The following NODAL variants were observed in gnomAD, a reference collection of about 807,000 sequenced individuals.
NODAL encodes the protein nodal growth differentiation factor.
A neutral mutation model predicts 34.0 loss-of-function variants in NODAL; 12 were observed. The ratio of observed to expected loss-of-function variants is 0.35; its 90% CI spans 0.23 to 0.57. NODAL has a LOEUF of 0.57. Among genes scored for constraint, NODAL ranks in the 20% least tolerant of loss-of-function variants. NODAL has a pLI of 0.83. For synonymous variants in NODAL, 162 were observed against 186.4 expected, an observed-to-expected ratio of 0.87 and a Z score of 1.07; for missense variants, 390 against 444.2, an observed-to-expected ratio of 0.88 and a Z score of 1.10.
chr10:70,446,146 C>T (rs1589155827), upstream of NODAL, among the ~76,000 whole-genome samples: 1 of 152,186 alleles, frequency 6.6e-6, no homozygotes, highest in East Asian at 1.9e-4. Flanking sequence ...TGAGGAATGA[C>T]ACCTTCTCGT....
intron 1 of NODAL, among the ~76,000 whole-genome samples, chr10:70,440,090 C>A (rs1281109251): frequency 2.6e-5 from 4 of 151,908 alleles, no homozygotes; most frequent in South Asian, 2.1e-4. Context: ...AACAAACAAA[C>A]AAAAAAACAG....
upstream of NODAL, among the ~76,000 whole-genome samples, chr10:70,443,085 T>C (rs1333742554): frequency 1.3e-5 from 2 of 149,464 alleles, no homozygotes; most frequent in Non-Finnish European, 3.0e-5. Context: ...AGTCCCTGTC[T>C]CAAAAAACAA....
At chr10:70,444,592 C>A (rs1162324154), upstream of NODAL, among the ~76,000 whole-genome samples, 2 of 152,110 alleles carry the variant, frequency 1.3e-5, no homozygotes, top group African/African-American at 2.4e-5. Context: ...GCCTTGGCCT[C>A]CATAAGTGCT....
At chr10:70,434,270 T>A (rs1845313000) in intron 2 of NODAL, among the ~76,000 whole-genome samples, 1 of 152,172 alleles carries the variant, frequency 6.6e-6, no homozygotes, top group Admixed American at 6.5e-5. Flanking sequence ...TCCATCTTCT[T>A]CTCTTTCCTA....
At chr10:70,442,158 A>G (rs573273281), upstream of NODAL, among the ~76,000 whole-genome samples, 1 of 152,232 alleles carries the variant, frequency 6.6e-6, no homozygotes, top group Non-Finnish European at 1.5e-5. Flanking sequence ...TGGCCGGCGC[A>G]GCCTCCCTGG....
chr10:70,442,317 C>A (rs1211630402), upstream of NODAL, among the ~76,000 whole-genome samples: 1 of 152,252 alleles, frequency 6.6e-6, no homozygotes, highest in Non-Finnish European at 1.5e-5. Context: ...CAGATGGAGC[C>A]AACGGGGTGA....
intron 1 of NODAL, 123 bp downstream of exon 1, chr10:70,441,352 G>A (rs1338025044): frequency 2.8e-6 from 3 of 1,076,658 alleles, no homozygotes; most frequent in Non-Finnish European, 4.0e-6. Flanking sequence ...GGACGCCCGG[G>A]CGGCTGCAAA....
upstream of NODAL, among the ~76,000 whole-genome samples, chr10:70,445,797 G>T (rs1845482914): frequency 6.6e-6 from 1 of 152,154 alleles, no homozygotes; most frequent in African/African-American, 2.4e-5. Flanking sequence ...CCCCATAGAA[G>T]AGGAGTGAAA....
At chr10:70,445,375 A>C (rs1845477724), upstream of NODAL, among the ~76,000 whole-genome samples, 1 of 152,218 alleles carries the variant, frequency 6.6e-6, no homozygotes, top group African/African-American at 2.4e-5. Flanking sequence ...CTCCTGCCTC[A>C]GTATCCTGAA....
chr10:70,435,549 A>G lies in NODAL; in HGVS notation c.628T>C (p.Ser210Pro). 1.2e-6 allele frequency: 2 copies of G among 1,614,002 alleles called. No homozygotes were observed. Among genetic ancestry groups the G allele is most frequent in the Non-Finnish European group, 1.7e-6 (2 of 1,180,002 alleles). ...CTCTCGGCTTCCCACAGCAAGGTGGACCCACCCAGCTGCCTCTGCTCCTGC... is the reference window on the plus strand; with the variant it reads ...CTCTCGGCTTCCCACAGCAAGGTGGGCCCACCCAGCTGCCTCTGCTCCTGC... ...LSQEQRQLGG[S>P]TLLWEAESSW... The change falls in exon 2 of 3, where the codon TCC becomes CCC. Residue 210 changes from serine (S) to proline (P), a missense_variant. Ser to Pro is a moderately conservative substitution (Grantham distance 74). Transcript: ENST00000287139.
At chr10:70,437,555 A>G (rs1845372377) in intron 1 of NODAL, among the ~76,000 whole-genome samples, 1 of 152,234 alleles carries the variant, frequency 6.6e-6, no homozygotes, top group South Asian at 2.1e-4. Context: ...ACCCAGAGAA[A>G]TAAAGAGGTT....
rs149499171 is a variant in NODAL at position 70,432,159 on chromosome 10, A to G, written c.*777T>C. ...CTCAGAGGCCTCATTAATAGCACAC[A>G]TTGAGAGACTGAGGTGGATTGTCAC... On this transcript the variant is annotated 3_prime_UTR_variant, in exon 3 of 3. Transcript: ENST00000287139. Among the ~76,000 whole-genome samples, 4 of 152,336 alleles carry G rather than the reference A, an allele frequency of 2.6e-5. No homozygotes were observed. Among genetic ancestry groups the G allele is most frequent in the Non-Finnish European group, 4.4e-5 (3 of 68,024 alleles).
upstream of NODAL, chr10:70,441,727 C>T: frequency 1.3e-6 from 2 of 1,499,178 alleles, no homozygotes; most frequent in Non-Finnish European, 1.8e-6. Flanking sequence ...GCCTCAGCAG[C>T]CGCCCCGCCC....
chr10:70,434,184 C>T (rs1845310580), intron 2 of NODAL, among the ~76,000 whole-genome samples: 1 of 152,114 alleles, frequency 6.6e-6, no homozygotes, highest in African/African-American at 2.4e-5. Context: ...CATTTTGGTC[C>T]CATATGACCT....
At chr10:70,445,077 A>G (rs1055504121), upstream of NODAL, among the ~76,000 whole-genome samples, 3 of 152,172 alleles carry the variant, frequency 2.0e-5, no homozygotes, top group African/African-American at 7.2e-5. Context: ...AGACGCAGTG[A>G]AGCCAATTCC....
chr10:70,438,106 A>G (rs917530291), intron 1 of NODAL, among the ~76,000 whole-genome samples: 3 of 152,012 alleles, frequency 2.0e-5, no homozygotes, highest in Non-Finnish European at 4.4e-5. Context: ...CCTGATCAAC[A>G]TGGTGAAACC....
chr10:70,445,380 C>T (rs1442643713), upstream of NODAL, among the ~76,000 whole-genome samples: 1 of 152,170 alleles, frequency 6.6e-6, no homozygotes, highest in African/African-American at 2.4e-5. Flanking sequence ...GCCTCAGTAT[C>T]CTGAATAGCT....
upstream of NODAL, among the ~76,000 whole-genome samples, chr10:70,446,078 ATTAG>A (rs957368817): frequency 1.1e-4 from 17 of 152,174 alleles, 1 homozygote; most frequent in Admixed American, 3.3e-4. Context: ...TTTTAAAGAC[ATTAG>A]TTAGTCCAGG....
chr10:70,434,213 CACCTAT>C (rs553448997), intron 2 of NODAL, among the ~76,000 whole-genome samples: 98 of 152,282 alleles, frequency 6.4e-4, no homozygotes, highest in Middle Eastern at 3.4e-3. Context: ...AGGGCAGGGC[CACCTAT>C]AACATCAGAT....
Sources: gnomAD v4.1 joint callset for allele counts (sites outside exome capture counted in the v4.1 genomes callset) on GRCh38, gnomAD v4.1.1 for gene constraint, MANE v1.5 for transcripts, NCBI Gene and HGNC (gene_info 2026-07-23, HGNC 2026-07-21) for gene names.